The following GNAL variants were observed in gnomAD, a reference collection of about 807,000 sequenced individuals.
GNAL encodes the protein guanine nucleotide-binding protein G(olf) subunit alpha.
In GNAL, 18 loss-of-function variants were observed where a neutral mutation model predicts 55.1. The ratio of observed to expected loss-of-function variants is 0.33; its 90% CI spans 0.23 to 0.48. The LOEUF (loss-of-function observed/expected upper bound fraction) is 0.48, where lower values mean the gene tolerates loss of function less well. Ranked by LOEUF, GNAL falls within the 20% of genes least tolerant of loss-of-function variation. The pLI, the probability that GNAL is intolerant of heterozygous loss-of-function variation, is 0.99. For missense variants in GNAL, 412 were observed against 614.1 expected (o/e 0.67, Z 3.48); for synonymous variants, 253 against 237.0 (o/e 1.07, Z -0.62).
intron 1 of GNAL, among the ~76,000 whole-genome samples, chr18:11,733,101 G>A (rs1256105373): frequency 6.6e-6 from 1 of 152,232 alleles, no homozygotes; most frequent in African/African-American, 2.4e-5. Context: ...ACTCTGATCT[G>A]TGCTCAGAGT....
chr18:11,768,632 C>T (rs1460986997), intron 4 of GNAL, among the ~76,000 whole-genome samples: 2 of 149,038 alleles, frequency 1.3e-5, no homozygotes, highest in Non-Finnish European at 3.0e-5. Flanking sequence ...CAGTGGCTCA[C>T]GCCTGTAATC....
intron 1 of GNAL, among the ~76,000 whole-genome samples, chr18:11,738,104 T>C (rs549743748): frequency 6.6e-6 from 1 of 152,310 alleles, no homozygotes; most frequent in Admixed American, 6.5e-5. Context: ...AAGGGCTGAC[T>C]TGCATTTCCT....
intron 5 of GNAL, chr18:11,857,634 C>T (rs1005257760): frequency 5.1e-6 from 5 of 985,284 alleles, no homozygotes; most frequent in Admixed American, 1.2e-4. Flanking sequence ...CACCATGAAT[C>T]ACTGATCACC....
intron 7 of GNAL, among the ~76,000 whole-genome samples, 167 bp from the exon 8 acceptor site, chr18:11,867,001 C>T (rs1484064006): frequency 6.6e-6 from 1 of 152,176 alleles, no homozygotes; most frequent in Non-Finnish European, 1.5e-5. Flanking sequence ...GAGCCACTTG[C>T]AGTCCAGGAT....
intron 1 of GNAL, among the ~76,000 whole-genome samples, chr18:11,716,182 T>G (rs1028883494): frequency 6.6e-6 from 1 of 152,234 alleles, no homozygotes; most frequent in Non-Finnish European, 1.5e-5. Context: ...ATAATCCTAC[T>G]GTGTCCGGAA....
At chr18:11,806,897 C>A (rs1167219274) in intron 4 of GNAL, among the ~76,000 whole-genome samples, 1 of 152,124 alleles carries the variant, frequency 6.6e-6, no homozygotes, top group Non-Finnish European at 1.5e-5. Context: ...GAGCTCCTGA[C>A]CTCAAGTGAT....
chr18:11,697,501 T>C (rs2143302774), intron 1 of GNAL, among the ~76,000 whole-genome samples: 1 of 150,220 alleles, frequency 6.7e-6, no homozygotes, highest in South Asian at 2.1e-4. Context: ...GAGTTTGTAG[T>C]GGGTTGAGAT....
intron 1 of GNAL, among the ~76,000 whole-genome samples, chr18:11,707,492 TGTACTGTCA>T (rs2031740686): frequency 6.6e-6 from 1 of 152,208 alleles, no homozygotes; most frequent in Non-Finnish European, 1.5e-5. Context: ...TGTAAACAGA[TGTACTGTCA>T]TCCAGGCTCT....
chr18:11,813,417 C>G (rs2034873285), intron 4 of GNAL, among the ~76,000 whole-genome samples: 1 of 152,124 alleles, frequency 6.6e-6, no homozygotes, highest in Non-Finnish European at 1.5e-5. Flanking sequence ...TAAAAATTGA[C>G]AAGCTAATGC....
rs112826491 is a variant in GNAL, at chr18:11,803,749, T to C, written c.625-21169T>C. Among the ~76,000 whole-genome samples, 382 of 113,844 alleles carry C rather than the reference T, an allele frequency of 3.4e-3. 1 individual carries two copies. Among genetic ancestry groups the C allele is most frequent in the African/African-American group, 0.013 (330 of 25,332 alleles). 74.7% of individuals were successfully genotyped at this position (113,844 alleles called of 152,430 possible). A position where few individuals can be genotyped will look rare whatever the true frequency, so the allele number is the denominator to read the frequency against. The stretch of plus-strand genomic sequence containing the variant: ...GATGGAACACGGAGATACTGTGTAG[T>C]GGTGAAGTACAGGTGCAGTTTGGAT... On this transcript the variant is annotated intron_variant, in intron 4 of 11. Coordinates refer to ENST00000334049, the MANE Select transcript of GNAL (RefSeq NM_182978.4).
At chr18:11,869,231 C>G (rs113751187) in intron 9 of GNAL, among the ~76,000 whole-genome samples, 41,216 of 151,836 alleles carry the variant, frequency 0.27, 6,491 homozygotes, top group African/African-American at 0.44. Flanking sequence ...GCAAGCTCCA[C>G]CTCCCGGGTT....
chr18:11,877,745 C>T (rs2036566853), intron 11 of GNAL, among the ~76,000 whole-genome samples: 1 of 152,204 alleles, frequency 6.6e-6, no homozygotes, highest in Non-Finnish European at 1.5e-5. Context: ...GGCACTCCAG[C>T]CTGGCCTTTC....
chr18:11,807,735 C>G (rs2034702763), intron 4 of GNAL, among the ~76,000 whole-genome samples: 1 of 152,128 alleles, frequency 6.6e-6, no homozygotes, highest in African/African-American at 2.4e-5. Context: ...AAGTGGAGAT[C>G]GCCAAGGCAG....
intron 1 of GNAL, among the ~76,000 whole-genome samples, chr18:11,730,751 G>A (rs1191795766): frequency 6.6e-6 from 1 of 152,034 alleles, no homozygotes; most frequent in Non-Finnish European, 1.5e-5. Flanking sequence ...GTAACAGAGT[G>A]AGACTCCATC....
chr18:11,750,069 T>G (rs534048230), intron 1 of GNAL, among the ~76,000 whole-genome samples: 1 of 152,226 alleles, frequency 6.6e-6, no homozygotes, highest in African/African-American at 2.4e-5. Context: ...CAGCTCTCTG[T>G]TAGTAATCTA....
chr18:11,785,872 C>G (rs1396024199), intron 4 of GNAL, among the ~76,000 whole-genome samples: 1 of 152,176 alleles, frequency 6.6e-6, no homozygotes, highest in Non-Finnish European at 1.5e-5. Context: ...AGGCTTCCGC[C>G]CACCTTCCTC....
rs542594887 is a variant in GNAL at position 11,853,637 on chromosome 18, AAC to A, written c.723-8756_723-8755del. Reference sequence around the variant, plus strand: ...AAATGAGTAAGGAAAAAAAAAGTGTAACAGGTGCGTGCAGATGAGGAGTGACC... The same window carrying A: ...AAATGAGTAAGGAAAAAAAAAGTGTAAGGTGCGTGCAGATGAGGAGTGACC... On this transcript the variant is annotated intron_variant, in intron 5 of 11. Transcript: ENST00000334049. 2.4e-5 allele frequency: 4 copies of A among 167,078 alleles called. No homozygotes were observed. The South Asian group carries it at 6.2e-4, about 26-fold the overall frequency. 10.3% of individuals were successfully genotyped at this position (167,078 alleles called of 1,614,324 possible). A position where few individuals can be genotyped will look rare whatever the true frequency, so the allele number is the denominator to read the frequency against.
intron 4 of GNAL, among the ~76,000 whole-genome samples, chr18:11,804,950 A>C (rs1217420217): frequency 8.2e-5 from 12 of 145,824 alleles, no homozygotes; most frequent in African/African-American, 3.1e-4. Context: ...TGTAGTGGTG[A>C]AGTACAGGTG....
rs868362074 is a variant in GNAL at position 11,717,209 on chromosome 18, C to T, written c.376+27270C>T. On this transcript the variant is annotated intron_variant, in intron 1 of 11. Transcript: ENST00000334049. ...TGGAGCCAGCCGGCCGCTCCCAGTG[C>T]GGGGTCCGCGGAGCCCACGCCCACC... Among the ~76,000 whole-genome samples, 24 of 152,238 alleles carry T rather than the reference C, an allele frequency of 1.6e-4. 1 individual carries two copies. Among genetic ancestry groups the T allele is most frequent in the Admixed American group, 1.0e-3 (16 of 15,286 alleles).
Sources: gnomAD v4.1 joint callset for allele counts (sites outside exome capture counted in the v4.1 genomes callset) on GRCh38, gnomAD v4.1.1 for gene constraint, MANE v1.5 for transcripts, NCBI Gene and HGNC (gene_info 2026-07-23, HGNC 2026-07-21) for gene names.